PIWIL2: variants seen among roughly 807,000 people sequenced by gnomAD.
PIWIL2 encodes the protein piwi like RNA-mediated gene silencing 2.
A neutral mutation model predicts 116.5 loss-of-function variants in PIWIL2; 81 were observed. The ratio of observed to expected loss-of-function variants is 0.70; its 90% CI spans 0.58 to 0.84. PIWIL2 has a LOEUF of 0.84. PIWIL2 is among the 40% of genes least tolerant of loss of function. The pLI, the probability that PIWIL2 is intolerant of heterozygous loss-of-function variation, is 0.00. For synonymous variants in PIWIL2, 489 were observed against 429.5 expected (o/e 1.14, Z -1.71); for missense variants, 1,272 against 1,212.3 (o/e 1.05, Z -0.73).
intron 19 of PIWIL2, 128 bp downstream of exon 19, chr8:22,316,461 T>A: frequency 1.6e-6 from 1 of 617,884 alleles, no homozygotes; most frequent in Non-Finnish European, 2.8e-6. Context: ...TTTCTTCCTC[T>A]ATCTTCATGT....
intron 15 of PIWIL2, among the ~76,000 whole-genome samples, chr8:22,310,359 C>T (rs373656464): frequency 2.6e-5 from 4 of 152,262 alleles, no homozygotes; most frequent in African/African-American, 9.6e-5. Context: ...TCTTTTCCCC[C>T]TCTTTTTCCC....
chr8:22,299,016 C>T (rs1830980409), intron 10 of PIWIL2, among the ~76,000 whole-genome samples: 2 of 152,088 alleles, frequency 1.3e-5, no homozygotes, highest in South Asian at 4.1e-4. Flanking sequence ...ATTCTTATGG[C>T]TACTTATTAC....
intron 1 of PIWIL2, among the ~76,000 whole-genome samples, chr8:22,277,432 A>G (rs1193396418): frequency 2.6e-5 from 4 of 152,178 alleles, no homozygotes; most frequent in Admixed American, 1.3e-4. Context: ...GTTAAATGCA[A>G]CCTGTGAGAC....
intron 15 of PIWIL2, 76 bp downstream of exon 15, chr8:22,310,150 A>C: frequency 1.3e-6 from 1 of 774,234 alleles, no homozygotes; most frequent in Non-Finnish European, 2.2e-6. Context: ...GGAATGATCT[A>C]GAGTCTTCTT....
In PIWIL2 at chr8:22,310,308, A is replaced by T. The variant is rs80236328; in HGVS notation, c.1800+234A>T. Reference sequence around the variant, plus strand: ...AGGAAATAAATTGCTGTGGTAATTCACATAGTGCCAACCTGTTACCCACTC... The same window carrying T: ...AGGAAATAAATTGCTGTGGTAATTCTCATAGTGCCAACCTGTTACCCACTC... On this transcript the variant is annotated intron_variant, in intron 15 of 22. Transcript: ENST00000356766. Among the ~76,000 whole-genome samples, 7 of 152,354 alleles carry T rather than the reference A, an allele frequency of 4.6e-5. No homozygotes were observed. In the East Asian group the frequency reaches 1.3e-3, roughly 29 times the overall value.
intron 1 of PIWIL2, among the ~76,000 whole-genome samples, chr8:22,277,028 TATA>T (rs1563337768): frequency 3.5e-5 from 5 of 141,332 alleles, no homozygotes; most frequent in Admixed American, 6.9e-5. Context: ...GATATATATA[TATA>T]TATTTTTTTT....
intron 19 of PIWIL2, among the ~76,000 whole-genome samples, chr8:22,316,586 A>T (rs1356962918): frequency 6.6e-6 from 1 of 151,306 alleles, no homozygotes; most frequent in East Asian, 1.9e-4. Flanking sequence ...GGTTCAAGTG[A>T]TTCTCCTGCC....
chr8:22,337,824 G>T (rs1392279830), intron 20 of PIWIL2, among the ~76,000 whole-genome samples: 1 of 152,164 alleles, frequency 6.6e-6, no homozygotes, highest in African/African-American at 2.4e-5. Flanking sequence ...GCCAGGCGCA[G>T]TGACTCGCAC....
chr8:22,307,876 T>A, intron 13 of PIWIL2, 57 bp from the exon 14 acceptor site: 1 of 1,419,156 alleles, frequency 7.0e-7, no homozygotes, highest in Non-Finnish European at 9.7e-7. Flanking sequence ...GGGGTTTATT[T>A]AACTTCATAT....
rs1388594772 is a variant in PIWIL2, at chr8:22,305,942, A to C, written c.1471A>C (p.Ile491Leu). Residue 491 changes from isoleucine (I) to leucine (L), a missense_variant, in exon 13 of 23, where the codon ATC becomes CTC. Ile to Leu is a conservative substitution (Grantham distance 5, BLOSUM62 2). Transcript: ENST00000356766. ...DNHGMLLKGE[I>L]LLLPELSFMT... ...CTCTTCAAAGCTGCTAAAAGGGGAA[A>C]TCCTGCTGCTGCCTGAGCTTTCTTT... 1 of 1,613,760 alleles carries C rather than the reference A, an allele frequency of 6.2e-7. No individual in the cohort carries two copies. Among genetic ancestry groups the C allele is most frequent in the Non-Finnish European group, 8.5e-7 (1 of 1,179,784 alleles).
intron 20 of PIWIL2, among the ~76,000 whole-genome samples, chr8:22,345,246 AG>A (rs765803572): frequency 1.3e-5 from 2 of 152,224 alleles, no homozygotes; most frequent in African/African-American, 2.4e-5. Context: ...TTCTAGTCCT[AG>A]GTATGTACCC....
intron 20 of PIWIL2, among the ~76,000 whole-genome samples, chr8:22,339,105 A>C (rs1391462934): frequency 6.6e-6 from 1 of 152,194 alleles, no homozygotes; most frequent in Admixed American, 6.5e-5. Context: ...AAGAAATGGT[A>C]CTGGGACTAC....
chr8:22,308,112 A>C, intron 14 of PIWIL2, 39 bp downstream of exon 14: 3 of 1,529,650 alleles, frequency 2.0e-6, no homozygotes, highest in Non-Finnish European at 2.7e-6. Context: ...ACATGTACAG[A>C]GACACGTGTG....
chr8:22,317,405 C>CAT (rs975872762), intron 19 of PIWIL2, among the ~76,000 whole-genome samples: 2 of 151,972 alleles, frequency 1.3e-5, no homozygotes, highest in Admixed American at 6.6e-5. Flanking sequence ...CACACACACA[C>CAT]ATATATATAT....
chr8:22,348,699 G>A (rs1832283684), intron 20 of PIWIL2, among the ~76,000 whole-genome samples: 1 of 152,178 alleles, frequency 6.6e-6, no homozygotes, highest in Non-Finnish European at 1.5e-5. Context: ...TGAGGCAGGA[G>A]GATCGCTTGA....
intron 10 of PIWIL2, among the ~76,000 whole-genome samples, chr8:22,293,499 A>G (rs890083545): frequency 1.3e-5 from 2 of 151,868 alleles, no homozygotes; most frequent in African/African-American, 2.4e-5. Context: ...TAATTTTTCT[A>G]TTTTTAGTAG....
chr8:22,315,068 C>T lies in PIWIL2; in HGVS notation c.2131C>T (p.Arg711Trp), dbSNP rs138911748. The change falls in exon 18 of 23, where the codon CGG becomes TGG. Residue 711 changes from arginine (R) to tryptophan (W), a missense_variant. Arg to Trp is a moderately radical substitution (Grantham distance 101). Transcript: ENST00000356766. ...AACCATTGGTCAGCCCACCAGGCTTCGGAGTGTGGCCCAGAAGATTTTACT... is the reference window on the plus strand; with the variant it reads ...AACCATTGGTCAGCCCACCAGGCTTTGGAGTGTGGCCCAGAAGATTTTACT... ...VRTIGQPTRL[R>W]SVAQKILLQI... 2.2e-5 allele frequency: 36 copies of T among 1,613,712 alleles called. No homozygotes were observed. Among genetic ancestry groups the T allele is most frequent in the African/African-American group, 1.2e-4 (9 of 74,894 alleles).
At chr8:22,345,629 A>C (rs1355875813) in intron 20 of PIWIL2, among the ~76,000 whole-genome samples, 1 of 152,150 alleles carries the variant, frequency 6.6e-6, no homozygotes, top group African/African-American at 2.4e-5. Flanking sequence ...GCACCACTGC[A>C]CTCCAGCCTG....
intron 1 of PIWIL2, 77 bp from the exon 2 acceptor site, chr8:22,279,264 A>G: frequency 1.3e-6 from 1 of 763,802 alleles, no homozygotes; most frequent in Non-Finnish European, 2.3e-6. Flanking sequence ...TCAAAATACT[A>G]TTTTAATGCT....
Sources: gnomAD v4.1 joint callset for allele counts (sites outside exome capture counted in the v4.1 genomes callset) on GRCh38, gnomAD v4.1.1 for gene constraint, MANE v1.5 for transcripts, NCBI Gene and HGNC (gene_info 2026-07-23, HGNC 2026-07-21) for gene names.